KCNK13: variants seen among roughly 807,000 people sequenced by gnomAD.
KCNK13 encodes potassium channel subfamily K member 13.
A neutral mutation model predicts 23.4 loss-of-function variants in KCNK13; 12 were observed. That is an observed-to-expected ratio of 0.51 (90% CI 0.33 to 0.83). KCNK13 has a LOEUF of 0.83. KCNK13 is among the 40% of genes least tolerant of loss of function. The pLI is 0.02. For missense variants in KCNK13, 463 were observed against 556.3 expected, an observed-to-expected ratio of 0.83 and a Z score of 1.69; for synonymous variants, 231 against 229.5, an observed-to-expected ratio of 1.01 and a Z score of -0.06.
intron 1 of KCNK13, among the ~76,000 whole-genome samples, chr14:90,129,573 T>G (rs1057238590): frequency 1.3e-5 from 2 of 152,156 alleles, no homozygotes; most frequent in Non-Finnish European, 2.9e-5. Context: ...ATGGCTGTGC[T>G]GTAGGGTGTG....
intron 1 of KCNK13, among the ~76,000 whole-genome samples, chr14:90,099,349 C>A (rs1463544097): frequency 1.3e-5 from 2 of 152,102 alleles, no homozygotes; most frequent in East Asian, 3.9e-4. Flanking sequence ...GAACTCTTCA[C>A]CTTTATTCAA....
intron 1 of KCNK13, among the ~76,000 whole-genome samples, chr14:90,082,355 G>A (rs1439495840): frequency 6.6e-6 from 1 of 151,866 alleles, no homozygotes; most frequent in Admixed American, 6.6e-5. Context: ...ATGAGCCACC[G>A]TGCCTGGCCT....
intron 1 of KCNK13, among the ~76,000 whole-genome samples, chr14:90,141,504 C>A (rs1890004726): frequency 6.6e-6 from 1 of 151,888 alleles, no homozygotes; most frequent in Non-Finnish European, 1.5e-5. Context: ...GTTGCCCAGG[C>A]TGGAGGGAAA....
chr14:90,087,131 TATATATATATATATATATATATA>T (rs1889286400), intron 1 of KCNK13, among the ~76,000 whole-genome samples: 1 of 100,336 alleles, frequency 1.0e-5, no homozygotes, highest in African/African-American at 3.5e-5. Flanking sequence ...TATATATACA[TATATATATATATATATATATATA>T]TTTTTTTTTT....
At position 90,062,249 on chromosome 14, in the gene KCNK13, A is replaced by G. The variant is rs540921514; in HGVS notation, c.44A>G (p.Glu15Gly). The G allele has an allele frequency of 1.3e-6, 2 of 1,509,278 alleles. No homozygotes were observed. Among genetic ancestry groups the G allele is most frequent in the East Asian group, 2.6e-5 (1 of 38,398 alleles). 93.5% of individuals were successfully genotyped at this position (1,509,278 alleles called of 1,614,324 possible). A position where few individuals can be genotyped will look rare whatever the true frequency, so the allele number is the denominator to read the frequency against. The part of the protein sequence containing the change: ...GFSWGPGHLN[E>G]DNARFLLLAA... ...AGCTGGGGCCCGGGCCACCTGAACG[A>G]GGACAACGCGCGCTTTCTGCTGCTG... The change falls in exon 1 of 2, where the codon GAG becomes GGG. Residue 15 changes from glutamate to glycine, a missense_variant. Glu to Gly is a moderately conservative substitution (Grantham distance 98). Transcript: ENST00000282146. The surrounding 1 kb of genome is among the most constrained non-coding windows in gnomAD (Gnocchi z 4.5).
chr14:90,157,994 C>T (rs986563059), intron 1 of KCNK13, among the ~76,000 whole-genome samples: 5 of 152,186 alleles, frequency 3.3e-5, no homozygotes, highest in African/African-American at 1.2e-4. Context: ...AGCCACTGTG[C>T]CTGGCTAGCA....
chr14:90,116,628 A>G (rs956722528), intron 1 of KCNK13, among the ~76,000 whole-genome samples: 1 of 152,154 alleles, frequency 6.6e-6, no homozygotes, highest in African/African-American at 2.4e-5. Flanking sequence ...TAGACCGCTC[A>G]TTACAACATA....
rs1162765735 is a variant in KCNK13 at position 90,141,799 on chromosome 14, G to GGGT, written c.335-42310_335-42309insTGG. ...TTTTGTTTTGTTTTGTTTTTTGGGG[G>GGGT]GGGGGACGGAGCCTTGCTCTGTCAC... On this transcript the variant is annotated intron_variant, in intron 1 of 1. Coordinates refer to ENST00000282146, the MANE Select transcript of KCNK13 (RefSeq NM_022054.4). Among the ~76,000 whole-genome samples the GGGT allele has an allele frequency of 2.7e-5, 4 of 148,644 alleles. 1 individual carries two copies. Among genetic ancestry groups the GGGT allele is most frequent in the East Asian group, 4.0e-4 (2 of 4,974 alleles).
intron 1 of KCNK13, among the ~76,000 whole-genome samples, chr14:90,180,677 C>T (rs968889061): frequency 1.3e-5 from 2 of 152,164 alleles, no homozygotes; most frequent in Admixed American, 1.3e-4. Flanking sequence ...TGTTAAATCT[C>T]TGGAACATGT....
At chr14:90,170,321 C>G (rs1406548033) in intron 1 of KCNK13, among the ~76,000 whole-genome samples, 2 of 152,148 alleles carry the variant, frequency 1.3e-5, no homozygotes, top group Non-Finnish European at 2.9e-5. Flanking sequence ...TCAGGTGATT[C>G]TCCTGCCTCA....
At chr14:90,142,014 G>T in intron 1 of KCNK13, among the ~76,000 whole-genome samples, 1 of 149,382 alleles carries the variant, frequency 6.7e-6, no homozygotes, top group Admixed American at 6.7e-5. Context: ...GTTTTGATCT[G>T]CTGACCTCAT....
chr14:90,107,612 G>A, intron 1 of KCNK13: 1 of 556,662 alleles, frequency 1.8e-6, no homozygotes, highest in Non-Finnish European at 3.3e-6. Context: ...ATTAGGTTTG[G>A]CTCAATACTC....
chr14:90,146,684 G>A (rs192715478), intron 1 of KCNK13, among the ~76,000 whole-genome samples: 16 of 152,076 alleles, frequency 1.1e-4, no homozygotes, highest in Admixed American at 3.3e-4. Context: ...TGGGTTGCTT[G>A]TAGGCAGCAT....
intron 1 of KCNK13, among the ~76,000 whole-genome samples, chr14:90,121,971 C>G (rs1045745811): frequency 6.6e-6 from 1 of 152,130 alleles, no homozygotes; most frequent in Non-Finnish European, 1.5e-5. Context: ...CTGCCCGCCT[C>G]TGCCTCCCAA....
At chr14:90,139,352 T>G (rs1466620964) in intron 1 of KCNK13, among the ~76,000 whole-genome samples, 3 of 151,918 alleles carry the variant, frequency 2.0e-5, no homozygotes, top group South Asian at 2.1e-4. Context: ...GGAAGAGCAT[T>G]CCAGGCAGAG....
intron 1 of KCNK13, among the ~76,000 whole-genome samples, chr14:90,171,647 C>T (rs1031079564): frequency 6.6e-6 from 1 of 152,130 alleles, no homozygotes; most frequent in Non-Finnish European, 1.5e-5. Flanking sequence ...ACAACTTAAG[C>T]AAAGGCAGGA....
chr14:90,183,290 G>A (rs1018633293), intron 1 of KCNK13, among the ~76,000 whole-genome samples: 1 of 152,116 alleles, frequency 6.6e-6, no homozygotes, highest in African/African-American at 2.4e-5. Flanking sequence ...GAAGAATTTT[G>A]TTTAAAAGAT....
chr14:90,084,843 G>A (rs904127513), intron 1 of KCNK13, among the ~76,000 whole-genome samples: 5 of 151,990 alleles, frequency 3.3e-5, no homozygotes, highest in Non-Finnish European at 5.9e-5. Context: ...TTAGATTTTT[G>A]CCAAATTCTT....
chr14:90,067,910 C>CT (rs1448490565), intron 1 of KCNK13, among the ~76,000 whole-genome samples: 1 of 152,100 alleles, frequency 6.6e-6, no homozygotes, highest in Non-Finnish European at 1.5e-5. Flanking sequence ...TTAGGTTTTG[C>CT]TGCAGTAACA....
Sources: allele counts gnomAD v4.1 joint callset (sites outside exome capture counted in the v4.1 genomes callset), GRCh38; gene constraint gnomAD v4.1.1; non-coding constraint Gnocchi (gnomAD v3.1); transcripts MANE v1.5; gene names NCBI Gene and HGNC (gene_info 2026-07-23, HGNC 2026-07-21).